NHEJ1: variants seen among roughly 807,000 people sequenced by gnomAD.
NHEJ1 encodes non-homologous end joining factor 1.
A neutral mutation model predicts 39.4 loss-of-function variants in NHEJ1; 22 were observed. The observed-to-expected ratio is 0.56, with a 90% CI of 0.40 to 0.80. The LOEUF is 0.80. Among genes scored for constraint, NHEJ1 ranks in the 30% least tolerant of loss-of-function variants. The probability of loss-of-function intolerance (pLI) is 0.00; values close to 1 mark genes in which losing one functional copy is unlikely to be tolerated. For missense variants in NHEJ1, 329 were observed against 357.1 expected, an observed-to-expected ratio of 0.92 and a Z score of 0.63; for synonymous variants, 154 against 135.6, an observed-to-expected ratio of 1.14 and a Z score of -0.94.
chr2:219,150,825 G>A (rs1485324592), intron 3 of NHEJ1, among the ~76,000 whole-genome samples: 5 of 151,986 alleles, frequency 3.3e-5, no homozygotes, highest in African/African-American at 7.2e-5. Context: ...GCATGGTGGC[G>A]GGTGCCTGTA....
intron 5 of NHEJ1, among the ~76,000 whole-genome samples, chr2:219,107,919 A>G (rs1002377999): frequency 1.3e-4 from 20 of 151,994 alleles, no homozygotes; most frequent in African/African-American, 4.8e-4. Context: ...AACCAGATGT[A>G]CAAATGGTTA....
In NHEJ1 at chr2:219,073,057, C is replaced by G. The variant is rs1434235887; in HGVS notation, c.*3324G>C. Among the ~76,000 whole-genome samples the G allele has an allele frequency of 6.6e-6, 1 of 152,104 alleles. No homozygotes were observed. The highest frequency in any genetic ancestry group is 1.5e-5 in the Non-Finnish European group (1 of 68,004). On this transcript the variant is annotated 3_prime_UTR_variant, in exon 8 of 8. Transcript: ENST00000356853. Reference sequence around the variant, plus strand: ...GGAAAGAAAAGGGAGTCCAAATGTACCGCTGGATAAAAACGAGCAGCAGTA... The same window carrying G: ...GGAAAGAAAAGGGAGTCCAAATGTAGCGCTGGATAAAAACGAGCAGCAGTA...
At chr2:219,134,576 A>G (rs1574732885) in intron 5 of NHEJ1, among the ~76,000 whole-genome samples, 1 of 151,832 alleles carries the variant, frequency 6.6e-6, no homozygotes, top group East Asian at 1.9e-4. Context: ...TCTTTTTTCC[A>G]TACTCTTCCC....
chr2:219,091,974 C>A (rs1323908086), intron 5 of NHEJ1, among the ~76,000 whole-genome samples: 1 of 152,178 alleles, frequency 6.6e-6, no homozygotes, highest in East Asian at 1.9e-4. Flanking sequence ...TTACTTGACA[C>A]CCTCTCTGAG....
chr2:219,159,576 C>CATATATATGCATAT (rs1949904336), intron 1 of NHEJ1, among the ~76,000 whole-genome samples: 3 of 68,974 alleles, frequency 4.3e-5, no homozygotes, highest in Admixed American at 1.6e-4. Flanking sequence ...TATATATATG[C>CATATATATGCATAT]ATATATATAT....
chr2:219,124,031 T>C (rs1453752050), intron 5 of NHEJ1, among the ~76,000 whole-genome samples: 1 of 152,158 alleles, frequency 6.6e-6, no homozygotes, highest in Non-Finnish European at 1.5e-5. Context: ...TTGTTAGCAA[T>C]AACCCTAGCA....
At chr2:219,089,475 A>C (rs1949141638) in intron 5 of NHEJ1, among the ~76,000 whole-genome samples, 1 of 152,252 alleles carries the variant, frequency 6.6e-6, no homozygotes, top group African/African-American at 2.4e-5. Context: ...AAGTGAAAGA[A>C]GCCAGACACG....
chr2:219,125,266 T>C (rs1293587038), intron 5 of NHEJ1, among the ~76,000 whole-genome samples: 1 of 152,128 alleles, frequency 6.6e-6, no homozygotes, highest in African/African-American at 2.4e-5. Context: ...GCAACCCATA[T>C]TACGCATAAA....
rs1304563265 is a variant in NHEJ1 at position 219,158,303 on chromosome 2, C to G, written c.60G>C (p.Glu20Asp). The G allele has an allele frequency of 6.2e-7, 1 of 1,614,186 alleles. No individual in the cohort carries two copies. The highest frequency in any genetic ancestry group is 1.1e-5 in the South Asian group (1 of 91,090). Residue 20 changes from glutamate (E) to aspartate (D), a missense_variant, in exon 2 of 8, where the codon GAG (glutamate) becomes GAC (aspartate). By Grantham distance (45) the Glu-to-Asp change is conservative. Coordinates refer to ENST00000356853, the MANE Select transcript of NHEJ1 (RefSeq NM_024782.3). ...MQPWAWLQLA[E>D]NSLLAKVFIT... The stretch of plus-strand genomic sequence containing the variant: ...TAAAAACCTTGGCCAAGAGGGAGTT[C>G]TCTGCAAGCTGTAGCCACGCCCATG...
In NHEJ1 at chr2:219,070,688, T is replaced by C. The variant is rs1318242623; in HGVS notation, c.*5693A>G. The stretch of plus-strand genomic sequence containing the variant: ...GACACTCAATCTTTTCTTTCTTTTT[T>C]TTTTTTAATTCAAAATACCATTGTA... On this transcript the variant is annotated 3_prime_UTR_variant, in exon 8 of 8. Transcript: ENST00000356853. Among the ~76,000 whole-genome samples the C allele has an allele frequency of 1.3e-5, 2 of 152,164 alleles. No homozygotes were observed. Among genetic ancestry groups the C allele is most frequent in the African/African-American group, 4.8e-5 (2 of 41,444 alleles).
chr2:219,082,015 TCTCTA>T (rs373585084), intron 5 of NHEJ1, among the ~76,000 whole-genome samples: 3 of 152,246 alleles, frequency 2.0e-5, no homozygotes, highest in East Asian at 3.8e-4. Flanking sequence ...AAAGTGGCTT[TCTCTA>T]CTCTACAACT....
At chr2:219,147,181 G>A (rs1430496522) in intron 4 of NHEJ1, among the ~76,000 whole-genome samples, 1 of 152,184 alleles carries the variant, frequency 6.6e-6, no homozygotes, top group East Asian at 1.9e-4. Context: ...ACTCGAGGCA[G>A]AGAAAAGTGT....
chr2:219,123,505 G>C (rs74722960), intron 5 of NHEJ1, among the ~76,000 whole-genome samples: 20 of 152,206 alleles, frequency 1.3e-4, no homozygotes, highest in African/African-American at 4.3e-4. Flanking sequence ...GTGAATCAAA[G>C]TTAACCAAAG....
chr2:219,112,633 G>C (rs1949376093), intron 5 of NHEJ1, among the ~76,000 whole-genome samples: 1 of 152,098 alleles, frequency 6.6e-6, no homozygotes, highest in South Asian at 2.1e-4. Context: ...GTCATACTCA[G>C]GTTGCAAAAG....
intron 5 of NHEJ1, among the ~76,000 whole-genome samples, chr2:219,138,901 C>G (rs1334269694): frequency 3.9e-5 from 6 of 152,150 alleles, no homozygotes; most frequent in Non-Finnish European, 1.5e-5. Flanking sequence ...TCTCCAAATT[C>G]TTTGACACAG....
intron 3 of NHEJ1, among the ~76,000 whole-genome samples, chr2:219,148,536 G>A (rs1411495276): frequency 6.6e-6 from 1 of 152,176 alleles, no homozygotes; most frequent in Non-Finnish European, 1.5e-5. Context: ...TCCAGCCTGG[G>A]CAACAGAGCA....
chr2:219,152,397 G>A (rs1293868894), intron 3 of NHEJ1, among the ~76,000 whole-genome samples: 1 of 152,126 alleles, frequency 6.6e-6, no homozygotes, highest in Admixed American at 6.5e-5. Flanking sequence ...CTTAGGCCCA[G>A]GAGTTCAAGA....
chr2:219,085,820 A>G (rs1377297234), intron 5 of NHEJ1, among the ~76,000 whole-genome samples: 1 of 151,574 alleles, frequency 6.6e-6, no homozygotes. Context: ...TTACTGAATC[A>G]CTTTCTTTGT....
intron 5 of NHEJ1, among the ~76,000 whole-genome samples, chr2:219,088,733 G>C (rs1949134347): frequency 6.6e-6 from 1 of 152,168 alleles, no homozygotes; most frequent in African/African-American, 2.4e-5. Context: ...ACACAGCTAT[G>C]TTAATTTTGT....
Sources: allele counts gnomAD v4.1 joint callset (sites outside exome capture counted in the v4.1 genomes callset), GRCh38; gene constraint gnomAD v4.1.1; transcripts MANE v1.5; gene names NCBI Gene and HGNC (gene_info 2026-07-23, HGNC 2026-07-21).